Variants in DENND1A observed in about 807,000 individuals in gnomAD.
DENND1A encodes DENN domain containing 1A.
A neutral mutation model predicts 113.7 loss-of-function variants in DENND1A; 51 were observed. That is an observed-to-expected ratio of 0.45 (90% CI 0.36 to 0.57). The LOEUF is 0.57. DENND1A is among the 20% of genes least tolerant of loss of function. The pLI is 0.00. For missense variants in DENND1A, 1,258 were observed against 1,395.9 expected, an observed-to-expected ratio of 0.90 and a Z score of 1.57; for synonymous variants, 565 against 570.8, an observed-to-expected ratio of 0.99 and a Z score of 0.14.
At chr9:123,569,246 G>A (rs372854713) in intron 12 of DENND1A, among the ~76,000 whole-genome samples, 8 of 152,234 alleles carry the variant, frequency 5.3e-5, no homozygotes, top group Middle Eastern at 3.4e-3. Context: ...AATTGAATTC[G>A]CTGGCAGCAC....
At chr9:123,794,364 A>G (rs1429918819) in intron 2 of DENND1A, among the ~76,000 whole-genome samples, 1 of 152,162 alleles carries the variant, frequency 6.6e-6, no homozygotes, top group African/African-American at 2.4e-5. Flanking sequence ...TGGTCCAGAG[A>G]CCCAAAAAAT....
At chr9:123,913,126 A>AAC (rs1854365971) in intron 1 of DENND1A, among the ~76,000 whole-genome samples, 6 of 150,226 alleles carry the variant, frequency 4.0e-5, no homozygotes, top group Admixed American at 6.7e-5. Context: ...AAAAAAAAAA[A>AAC]AAAAAAAAAA....
chr9:123,487,728 G>T (rs551014216), intron 13 of DENND1A, among the ~76,000 whole-genome samples: 2 of 151,932 alleles, frequency 1.3e-5, no homozygotes, highest in Non-Finnish European at 1.5e-5. Flanking sequence ...AGCTTTAAAA[G>T]AATTGAAAAA....
intron 3 of DENND1A, among the ~76,000 whole-genome samples, chr9:123,788,822 T>G (rs1832576095): frequency 6.6e-6 from 1 of 152,148 alleles, no homozygotes. Context: ...AAACTTACAC[T>G]GTAATTTAGT....
At chr9:123,533,378 A>G (rs1015338662) in intron 13 of DENND1A, among the ~76,000 whole-genome samples, 3 of 152,252 alleles carry the variant, frequency 2.0e-5, no homozygotes, top group Non-Finnish European at 4.4e-5. Flanking sequence ...TAGCACAAGA[A>G]AAACATGGCT....
chr9:123,711,527 A>G (rs932504930), intron 5 of DENND1A, among the ~76,000 whole-genome samples: 1 of 144,944 alleles, frequency 6.9e-6, no homozygotes, highest in Admixed American at 7.0e-5. Flanking sequence ...ATATATATAT[A>G]TATATATATA....
intron 2 of DENND1A, among the ~76,000 whole-genome samples, chr9:123,840,770 C>T (rs978682098): frequency 6.6e-6 from 1 of 152,152 alleles, no homozygotes; most frequent in African/African-American, 2.4e-5. Context: ...CTCAGCACCG[C>T]CTGTTACTAG....
chr9:123,514,068 G>A (rs1357033175), intron 13 of DENND1A, among the ~76,000 whole-genome samples: 2 of 63,478 alleles, frequency 3.2e-5, no homozygotes, highest in Non-Finnish European at 9.6e-5. Context: ...ATTTTGAGGT[G>A]TGTGTGTGTG....
At chr9:123,739,524 A>G (rs1389981302) in intron 5 of DENND1A, among the ~76,000 whole-genome samples, 1 of 152,162 alleles carries the variant, frequency 6.6e-6, no homozygotes, top group African/African-American at 2.4e-5. Flanking sequence ...GCGGTAACCA[A>G]CAGAAAAATC....
chr9:123,404,261 A>G (rs1455208780), intron 20 of DENND1A, among the ~76,000 whole-genome samples: 1 of 152,120 alleles, frequency 6.6e-6, no homozygotes, highest in Non-Finnish European at 1.5e-5. Flanking sequence ...ATCCCCTGCC[A>G]GAGTTCGTGA....
chr9:123,690,385 T>C (rs1442640015), intron 5 of DENND1A, among the ~76,000 whole-genome samples: 1 of 152,154 alleles, frequency 6.6e-6, no homozygotes, highest in Non-Finnish European at 1.5e-5. Context: ...TTAAGTACTG[T>C]TATTCATAAT....
At chr9:123,766,950 G>T (rs1024198846) in intron 4 of DENND1A, among the ~76,000 whole-genome samples, 6 of 152,072 alleles carry the variant, frequency 3.9e-5, no homozygotes, top group African/African-American at 1.4e-4. Flanking sequence ...CTGTTCCTTG[G>T]GGTAGAAAAG....
intron 12 of DENND1A, among the ~76,000 whole-genome samples, chr9:123,560,517 T>A (rs2057685956): frequency 1.3e-5 from 2 of 151,894 alleles, no homozygotes; most frequent in African/African-American, 2.4e-5. Context: ...TGAGATCCCA[T>A]CTCTATAAAA....
intron 2 of DENND1A, among the ~76,000 whole-genome samples, chr9:123,877,937 T>C (rs1847751260): frequency 6.6e-6 from 1 of 152,226 alleles, no homozygotes; most frequent in African/African-American, 2.4e-5. Context: ...ATAAATGCTA[T>C]TCACTTTGTT....
At chr9:123,475,506 G>C (rs1487025279) in intron 13 of DENND1A, among the ~76,000 whole-genome samples, 2 of 152,228 alleles carry the variant, frequency 1.3e-5, no homozygotes, top group African/African-American at 4.8e-5. Flanking sequence ...TGCATTTTTA[G>C]TGTTTGGAAA....
intron 13 of DENND1A, among the ~76,000 whole-genome samples, chr9:123,513,219 C>G (rs1317234989): frequency 6.6e-6 from 1 of 152,178 alleles, no homozygotes; most frequent in African/African-American, 2.4e-5. Context: ...CCTTGTTCAC[C>G]CCACACCCAC....
intron 9 of DENND1A, among the ~76,000 whole-genome samples, chr9:123,631,449 A>G (rs776090334): frequency 6.6e-6 from 1 of 152,216 alleles, no homozygotes; most frequent in Non-Finnish European, 1.5e-5. Context: ...TGCAAAGAAT[A>G]CCCAGCCTTT....
At chr9:123,682,532 G>A (rs1177409104) in intron 5 of DENND1A, among the ~76,000 whole-genome samples, 3 of 152,020 alleles carry the variant, frequency 2.0e-5, no homozygotes, top group Admixed American at 2.0e-4. Flanking sequence ...AGACCATTCA[G>A]CACTCAATAT....
At chr9:123,626,868 C>T (rs993552960) in intron 10 of DENND1A, among the ~76,000 whole-genome samples, 1 of 152,132 alleles carries the variant, frequency 6.6e-6, no homozygotes, top group African/African-American at 2.4e-5. Flanking sequence ...CCAGAGAACC[C>T]TCAGGAGACA....
Sources: allele counts gnomAD v4.1 joint callset (sites outside exome capture counted in the v4.1 genomes callset), GRCh38; gene constraint gnomAD v4.1.1; transcripts MANE v1.5; gene names NCBI Gene and HGNC (gene_info 2026-07-23, HGNC 2026-07-21).